GALNTL6: variants seen among roughly 807,000 people sequenced by gnomAD.
The protein encoded by GALNTL6 is polypeptide N-acetylgalactosaminyltransferase-like 6.
Under a neutral mutation model 73.7 loss-of-function variants are expected in GALNTL6, and 46 were observed. That is an observed-to-expected ratio of 0.62 (90% CI 0.49 to 0.80). The LOEUF is 0.80. GALNTL6 is among the 30% of genes least tolerant of loss of function. GALNTL6 has a pLI of 0.00. For synonymous variants in GALNTL6, 259 were observed against 263.7 expected (o/e 0.98, Z 0.17); for missense variants, 604 against 755.0 (o/e 0.80, Z 2.34).
At chr4:172,274,605 A>G (rs140854735) in intron 3 of GALNTL6, among the ~76,000 whole-genome samples, 233 of 152,306 alleles carry the variant, frequency 1.5e-3, no homozygotes, top group African/African-American at 5.2e-3. Context: ...TGGAGAATAA[A>G]ATGATTGAAA....
At chr4:172,311,576 T>C (rs1740360361) in intron 3 of GALNTL6, 38 bp from the exon 4 acceptor site, 1 of 1,566,282 alleles carries the variant, frequency 6.4e-7, no homozygotes, top group Non-Finnish European at 8.7e-7. Flanking sequence ...AAATGGCTTT[T>C]ATAGAGATGA....
rs574403012 is a variant in GALNTL6 at position 172,556,503 on chromosome 4, A to G, written c.553+207814A>G. Among the ~76,000 whole-genome samples, 14 of 152,212 alleles carry G rather than the reference A, an allele frequency of 9.2e-5. No homozygotes were observed. The South Asian group carries it at 2.3e-3, about 25-fold the overall frequency. On this transcript the variant is annotated intron_variant, in intron 5 of 12. Transcript: ENST00000506823. ...ATTTTGAGTAACATTTTTAAGTATA[A>G]TATGTTCCAAATATTGCATGAAACA...
chr4:172,078,974 C>T (rs1731794908), intron 2 of GALNTL6, among the ~76,000 whole-genome samples: 1 of 151,992 alleles, frequency 6.6e-6, no homozygotes, highest in Non-Finnish European at 1.5e-5. Flanking sequence ...ACTGTTTCAA[C>T]AGTATTATTG....
intron 5 of GALNTL6, among the ~76,000 whole-genome samples, chr4:172,413,032 T>A (rs186028166): frequency 2.6e-4 from 40 of 152,272 alleles, no homozygotes; most frequent in Admixed American, 1.8e-3. Context: ...GAAACATTTT[T>A]CAGAAGTTCC....
At chr4:171,995,800 C>A (rs2110747296) in intron 2 of GALNTL6, among the ~76,000 whole-genome samples, 1 of 152,042 alleles carries the variant, frequency 6.6e-6, no homozygotes, top group East Asian at 1.9e-4. Flanking sequence ...AAAGTATATT[C>A]CAAAATATTA....
chr4:171,848,511 C>T (rs1327269068), intron 2 of GALNTL6, among the ~76,000 whole-genome samples: 2 of 152,090 alleles, frequency 1.3e-5, no homozygotes, highest in South Asian at 2.1e-4. Context: ...ATATTTTTTC[C>T]CTATATAAGG....
At chr4:172,155,852 T>A (rs2110772960) in intron 2 of GALNTL6, among the ~76,000 whole-genome samples, 1 of 152,274 alleles carries the variant, frequency 6.6e-6, no homozygotes, top group African/African-American at 2.4e-5. Context: ...TAACCTTTCT[T>A]ACTTTCCATT....
chr4:172,370,871 G>A (rs982009113), intron 5 of GALNTL6, among the ~76,000 whole-genome samples: 11 of 152,116 alleles, frequency 7.2e-5, no homozygotes, highest in Admixed American at 4.6e-4. Context: ...GATAGATTTC[G>A]TTATTTCTTG....
intron 2 of GALNTL6, among the ~76,000 whole-genome samples, chr4:172,224,627 G>C (rs909859954): frequency 2.0e-5 from 3 of 152,118 alleles, no homozygotes; most frequent in African/African-American, 7.2e-5. Context: ...ACAGCCCTTG[G>C]GAGGTGCTTT....
At chr4:172,652,029 G>T (rs1294237351) in intron 5 of GALNTL6, among the ~76,000 whole-genome samples, 1 of 152,188 alleles carries the variant, frequency 6.6e-6, no homozygotes, top group Non-Finnish European at 1.5e-5. Flanking sequence ...CAGAGAAACT[G>T]TAATACAGAG....
chr4:172,477,189 CAGAGAGAG>C, intron 5 of GALNTL6, among the ~76,000 whole-genome samples: 1 of 148,132 alleles, frequency 6.8e-6, no homozygotes, highest in Admixed American at 6.7e-5. Flanking sequence ...ATGTGTAAAG[CAGAGAGAG>C]AGAGAGAGCA....
rs191787758 is a variant in GALNTL6 at position 172,826,719 on chromosome 4, C to T, written c.923+12996C>T. ...GGAACATCCAAAGAAGACCAGAGCA[C>T]GGCCCTCTTTCCTGAATCTCAGGTC... On this transcript the variant is annotated intron_variant, in intron 7 of 12. Transcript: ENST00000506823. 2.0e-3 allele frequency among the ~76,000 whole-genome samples: 311 copies of T among 152,292 alleles called. 2 individuals carry two copies. Among genetic ancestry groups the T allele is most frequent in the Middle Eastern group, 3.4e-3 (1 of 294 alleles).
intron 12 of GALNTL6, among the ~76,000 whole-genome samples, chr4:173,030,111 A>G (rs1011286756): frequency 6.6e-5 from 10 of 151,962 alleles, no homozygotes. Flanking sequence ...CCAGATGCCC[A>G]ATGTCTGCAA....
intron 2 of GALNTL6, among the ~76,000 whole-genome samples, chr4:172,192,436 G>A (rs915725476): frequency 2.6e-5 from 4 of 152,086 alleles, no homozygotes; most frequent in Admixed American, 2.6e-4. Flanking sequence ...CCACTGAGAA[G>A]AACGAAAACG....
intron 2 of GALNTL6, among the ~76,000 whole-genome samples, chr4:172,105,525 C>T (rs1732651712): frequency 6.6e-6 from 1 of 151,306 alleles, no homozygotes; most frequent in South Asian, 2.1e-4. Context: ...TAAATACAAG[C>T]AAAGCCACGT....
chr4:172,637,074 G>A (rs188122356), intron 5 of GALNTL6, among the ~76,000 whole-genome samples: 2 of 151,930 alleles, frequency 1.3e-5, no homozygotes, highest in Non-Finnish European at 2.9e-5. Flanking sequence ...AACTAAAATG[G>A]TATTAAAAAG....
chr4:172,559,266 A>T (rs986684644), intron 5 of GALNTL6, among the ~76,000 whole-genome samples: 2 of 151,602 alleles, frequency 1.3e-5, no homozygotes, highest in African/African-American at 4.9e-5. Context: ...GGGTTTCACC[A>T]TGTTAGCCAG....
chr4:172,922,924 A>C (rs1263212230), intron 8 of GALNTL6, among the ~76,000 whole-genome samples: 1 of 152,232 alleles, frequency 6.6e-6, no homozygotes, highest in Non-Finnish European at 1.5e-5. Context: ...ATAGCTAGGC[A>C]TGAGCAGGAT....
chr4:171,910,627 C>A, intron 2 of GALNTL6, among the ~76,000 whole-genome samples: 1 of 151,824 alleles, frequency 6.6e-6, no homozygotes. Flanking sequence ...TAAGTATTAA[C>A]CATCTTACCC....
Sources: gnomAD v4.1 joint callset for allele counts (sites outside exome capture counted in the v4.1 genomes callset) on GRCh38, gnomAD v4.1.1 for gene constraint, MANE v1.5 for transcripts, NCBI Gene and HGNC (gene_info 2026-07-23, HGNC 2026-07-21) for gene names.